ATG3: variants seen among roughly 807,000 people sequenced by gnomAD.
The protein encoded by ATG3 is autophagy related 3.
A neutral mutation model predicts 50.7 loss-of-function variants in ATG3; 25 were observed. The ratio of observed to expected loss-of-function variants is 0.49; its 90% CI spans 0.36 to 0.69. The LOEUF is 0.69. ATG3 is among the 30% of genes least tolerant of loss of function. ATG3 has a pLI of 0.00. For missense variants in ATG3, 281 were observed against 376.0 expected (o/e 0.75, Z 2.09); for synonymous variants, 119 against 125.5 (o/e 0.95, Z 0.34).
intron 9 of ATG3, among the ~76,000 whole-genome samples, chr3:112,537,077 A>G (rs1933077778): frequency 6.6e-6 from 1 of 152,020 alleles, no homozygotes; most frequent in African/African-American, 2.4e-5. Context: ...GATTTCTGGG[A>G]AATTTTACAA....
intron 7 of ATG3, among the ~76,000 whole-genome samples, chr3:112,541,065 T>C (rs1933211018): frequency 6.6e-6 from 1 of 152,264 alleles, no homozygotes; most frequent in East Asian, 1.9e-4. Flanking sequence ...TTCAGAATCT[T>C]GGGAAACTGA....
At chr3:112,536,711 G>C in intron 9 of ATG3, 109 bp from the exon 10 acceptor site, 2 of 1,146,514 alleles carry the variant, frequency 1.7e-6, no homozygotes, top group East Asian at 2.6e-5. Context: ...CACATGGTCA[G>C]GAGATCGAGA....
chr3:112,548,417 G>A (rs1461974930), intron 5 of ATG3, 116 bp downstream of exon 5: 3 of 880,828 alleles, frequency 3.4e-6, no homozygotes, highest in Non-Finnish European at 5.2e-6. Context: ...TTTCATGTAA[G>A]TCTATTGGGA....
chr3:112,536,384 G>T (rs1314590661), intron 10 of ATG3, 91 bp downstream of exon 10: 5 of 1,486,832 alleles, frequency 3.4e-6, no homozygotes, highest in Non-Finnish European at 2.8e-6. Flanking sequence ...ATTTTTTTCT[G>T]TTAGGGTTCT....
intron 4 of ATG3, among the ~76,000 whole-genome samples, chr3:112,549,751 C>G (rs1933475887): frequency 1.4e-5 from 2 of 141,966 alleles, no homozygotes; most frequent in Admixed American, 1.5e-4. Flanking sequence ...AATCAGGCCA[C>G]TGCACTCTAG....
chr3:112,551,744 T>C (rs2107385124), intron 3 of ATG3, among the ~76,000 whole-genome samples: 1 of 152,276 alleles, frequency 6.6e-6, no homozygotes, highest in East Asian at 1.9e-4. Flanking sequence ...ATTTCCCTAT[T>C]TGACTTGAAA....
intron 5 of ATG3, among the ~76,000 whole-genome samples, chr3:112,546,929 T>C (rs2638022): frequency 0.24 from 36,866 of 152,208 alleles, 8,536 homozygotes; most frequent in African/African-American, 0.6. Flanking sequence ...ACTCGACTCA[T>C]TAATAAGCCA....
intron 7 of ATG3, among the ~76,000 whole-genome samples, chr3:112,539,931 C>T (rs945128006): frequency 6.6e-6 from 1 of 152,202 alleles, no homozygotes; most frequent in South Asian, 2.1e-4. Context: ...CCCACCACCC[C>T]AACTTGGTCA....
rs186325291 is a variant in ATG3, at chr3:112,534,059, T to A, written c.863+210A>T. On this transcript the variant is annotated intron_variant, in intron 11 of 11. Coordinates refer to ENST00000283290, the MANE Select transcript of ATG3 (RefSeq NM_022488.5). ...CTCTGTAACAAGGGTGAGCTACTGCTACACATGGGGACATGTTCTAATCAA... is the reference window on the plus strand; with the variant it reads ...CTCTGTAACAAGGGTGAGCTACTGCAACACATGGGGACATGTTCTAATCAA... The A allele has an allele frequency of 3.0e-3, 3,773 of 1,268,598 alleles. 7 individuals carry two copies. The highest frequency in any genetic ancestry group is 4.0e-3 in the Admixed American group (103 of 25,682). 78.6% of individuals were successfully genotyped at this position (1,268,598 alleles called of 1,614,324 possible). A position where few individuals can be genotyped will look rare whatever the true frequency, so the allele number is the denominator to read the frequency against.
At chr3:112,538,671 A>G (rs1933142468) in intron 7 of ATG3, among the ~76,000 whole-genome samples, 1 of 152,158 alleles carries the variant, frequency 6.6e-6, no homozygotes, top group South Asian at 2.1e-4. Context: ...TCTACTTTAA[A>G]AAGAACCATA....
chr3:112,553,240 C>A, intron 3 of ATG3, 40 bp downstream of exon 3: 1 of 1,533,866 alleles, frequency 6.5e-7, no homozygotes, highest in South Asian at 1.1e-5. Flanking sequence ...TGAAGCCATG[C>A]ATTTTACTAA....
chr3:112,550,352 A>T lies in ATG3; in HGVS notation c.165-90T>A, dbSNP rs146426788. The T allele has an allele frequency of 6.8e-4, 719 of 1,053,090 alleles. 3 individuals carry two copies. In the African/African-American group the frequency reaches 9.7e-3, roughly 14 times the overall value. The allele number at this position is 1,053,090 out of a possible 1,614,324, so 65.2% of individuals were successfully genotyped here. A position where few individuals can be genotyped will look rare whatever the true frequency, so the allele number is the denominator to read the frequency against. On this transcript the variant is annotated intron_variant, in intron 3 of 11. Coordinates refer to ENST00000283290, the MANE Select transcript of ATG3 (RefSeq NM_022488.5). ...AGTATTGCATATAAATCTCAAAATG[A>T]TATAATCCATAATTCTCAGAAAATT...
At chr3:112,546,257 C>T (rs573415907) in intron 5 of ATG3, among the ~76,000 whole-genome samples, 1 of 152,300 alleles carries the variant, frequency 6.6e-6, no homozygotes, top group African/African-American at 2.4e-5. Flanking sequence ...TTCCAAGACC[C>T]CCAGAGGGTG....
intron 1 of ATG3, 128 bp from the exon 2 acceptor site, chr3:112,558,545 C>T (rs1933750876): frequency 1.5e-6 from 1 of 684,308 alleles, no homozygotes; most frequent in South Asian, 1.8e-5. Flanking sequence ...ATTAGTCTAT[C>T]TATCTAATCT....
chr3:112,543,981 A>G (rs374120051), intron 6 of ATG3, 76 bp downstream of exon 6: 1 of 1,055,382 alleles, frequency 9.5e-7, no homozygotes. Context: ...TGGTGATTAT[A>G]TATGTGTGTG....
At chr3:112,546,990 A>C (rs780102793) in intron 5 of ATG3, among the ~76,000 whole-genome samples, 15 of 152,266 alleles carry the variant, frequency 9.9e-5, no homozygotes, top group East Asian at 1.9e-4. Context: ...CTATAACTCC[A>C]TAAGGAAAGA....
At chr3:112,556,661 T>C (rs1380067915) in intron 2 of ATG3, among the ~76,000 whole-genome samples, 1 of 152,060 alleles carries the variant, frequency 6.6e-6, no homozygotes, top group Non-Finnish European at 1.5e-5. Context: ...ATTGTAGACT[T>C]TTCATTTTGT....
intron 1 of ATG3, among the ~76,000 whole-genome samples, chr3:112,559,500 T>C (rs1474212029): frequency 1.3e-5 from 2 of 152,156 alleles, no homozygotes; most frequent in Non-Finnish European, 1.5e-5. Context: ...TGGTAATGAA[T>C]AACATACCAT....
intron 6 of ATG3, among the ~76,000 whole-genome samples, chr3:112,542,831 G>T (rs547972011): frequency 6.6e-6 from 1 of 152,076 alleles, no homozygotes; most frequent in South Asian, 2.1e-4. Context: ...GCCCGTCCAA[G>T]AAAAACACTA....
Sources: gnomAD v4.1 joint callset for allele counts (sites outside exome capture counted in the v4.1 genomes callset) on GRCh38, gnomAD v4.1.1 for gene constraint, MANE v1.5 for transcripts, NCBI Gene and HGNC (gene_info 2026-07-23, HGNC 2026-07-21) for gene names.